The following STAP1 variants were observed in gnomAD, a reference collection of about 807,000 sequenced individuals.
STAP1 encodes signal transducing adaptor family member 1.
In STAP1, 30 loss-of-function variants were observed where a neutral mutation model predicts 37.8. The ratio of observed to expected loss-of-function variants is 0.79; its 90% CI spans 0.59 to 1.08. The LOEUF is 1.08. Ranked by LOEUF, STAP1 falls within the 50% of genes least tolerant of loss-of-function variation. The pLI is 0.00. For missense variants in STAP1, 357 were observed against 349.4 expected (o/e 1.02, Z -0.17); for synonymous variants, 130 against 116.0 (o/e 1.12, Z -0.78).
At chr4:67,560,075 GA>G (rs895716257) in intron 1 of STAP1, among the ~76,000 whole-genome samples, 25 of 151,490 alleles carry the variant, frequency 1.7e-4, no homozygotes, top group African/African-American at 4.8e-4. Flanking sequence ...GGGAAGTTGA[GA>G]AAAAAAAATT....
chr4:67,591,805 G>A (rs568646889), intron 7 of STAP1, among the ~76,000 whole-genome samples: 2 of 152,290 alleles, frequency 1.3e-5, no homozygotes, highest in African/African-American at 4.8e-5. Context: ...GATTCATAGA[G>A]CACACTTACA....
intron 8 of STAP1, among the ~76,000 whole-genome samples, chr4:67,597,589 G>C (rs1728253494): frequency 6.6e-6 from 1 of 152,200 alleles, no homozygotes; most frequent in South Asian, 2.1e-4. Flanking sequence ...AGCCGCAGGG[G>C]ATGTACCCTG....
At chr4:67,580,632 A>G (rs1033632400) in intron 4 of STAP1, among the ~76,000 whole-genome samples, 1 of 152,198 alleles carries the variant, frequency 6.6e-6, no homozygotes, top group African/African-American at 2.4e-5. Context: ...TATACCTTCT[A>G]AGAGCACAGA....
intron 8 of STAP1, 110 bp downstream of exon 8, chr4:67,593,466 A>G (rs1271576692): frequency 2.7e-6 from 2 of 738,454 alleles, no homozygotes; most frequent in African/African-American, 3.5e-5. Context: ...ACTGTAGTTC[A>G]GTCTTTAAAT....
chr4:67,568,824 AG>A (rs1727533623), intron 1 of STAP1, among the ~76,000 whole-genome samples: 1 of 152,238 alleles, frequency 6.6e-6, no homozygotes, highest in South Asian at 2.1e-4. Flanking sequence ...CTGTCCTAGA[AG>A]GTAGATATTA....
intron 1 of STAP1, among the ~76,000 whole-genome samples, chr4:67,569,253 TG>T (rs1727544637): frequency 6.6e-6 from 1 of 151,888 alleles, no homozygotes; most frequent in African/African-American, 2.4e-5. Flanking sequence ...AAAGAAAAAA[TG>T]GTATACCTGT....
chr4:67,562,068 C>CA lies in STAP1; in HGVS notation c.120+3162dup, dbSNP rs71219057. Among the ~76,000 whole-genome samples, 482 of 77,230 alleles carry CA rather than the reference C, an allele frequency of 6.2e-3. 6 individuals carry two copies. The highest frequency in any genetic ancestry group is 9.5e-3 in the Non-Finnish European group (411 of 43,098). 50.7% of individuals were successfully genotyped at this position (77,230 alleles called of 152,430 possible). A position where few individuals can be genotyped will look rare whatever the true frequency, so the allele number is the denominator to read the frequency against. On this transcript the variant is annotated intron_variant, in intron 1 of 8. Coordinates refer to ENST00000265404, the MANE Select transcript of STAP1 (RefSeq NM_012108.4). The stretch of plus-strand genomic sequence containing the variant: ...GCCTGGCAATAGAGCGAGACTCTGT[C>CA]AAAAAAAAAAAAAAAAAAAAAAAGA...
intron 1 of STAP1, among the ~76,000 whole-genome samples, 179 bp from the exon 2 acceptor site, chr4:67,570,905 C>G (rs1033048856): frequency 6.6e-6 from 1 of 151,734 alleles, no homozygotes; most frequent in Non-Finnish European, 1.5e-5. Context: ...ACCAGAGAAC[C>G]TATCTCAAAA....
At chr4:67,578,832 T>A (rs1340078397) in intron 4 of STAP1, among the ~76,000 whole-genome samples, 1 of 63,272 alleles carries the variant, frequency 1.6e-5, no homozygotes, top group African/African-American at 7.1e-5. Context: ...TTATGTGAAT[T>A]TTTTTTTTTT....
chr4:67,577,326 G>GATCCATGCA (rs1727747064), intron 4 of STAP1, 67 bp downstream of exon 4: 5 of 1,407,070 alleles, frequency 3.6e-6, no homozygotes, highest in Non-Finnish European at 4.9e-6. Context: ...AACACCCTAT[G>GATCCATGCA]ATCCATGCAG....
chr4:67,570,268 AATT>A (rs1727571892), intron 1 of STAP1, among the ~76,000 whole-genome samples: 1 of 152,194 alleles, frequency 6.6e-6, no homozygotes, highest in African/African-American at 2.4e-5. Flanking sequence ...TACTGTACAT[AATT>A]ATATGTCCTA....
intron 4 of STAP1, among the ~76,000 whole-genome samples, chr4:67,577,654 T>TTTC (rs57482555): frequency 2.8e-5 from 4 of 143,408 alleles, no homozygotes; most frequent in African/African-American, 1.0e-4. Context: ...TTTCTTTCTT[T>TTTC]TTTTTTTTTT....
intron 2 of STAP1, 43 bp downstream of exon 2, chr4:67,571,198 C>A (rs772738454): frequency 2.3e-6 from 3 of 1,331,226 alleles, no homozygotes; most frequent in Admixed American, 1.8e-5. Flanking sequence ...TCCCAATATA[C>A]CCTTGTCACA....
intron 2 of STAP1, among the ~76,000 whole-genome samples, chr4:67,572,647 C>A (rs1372333823): frequency 6.6e-6 from 1 of 152,172 alleles, no homozygotes; most frequent in Non-Finnish European, 1.5e-5. Flanking sequence ...GTCTTCAAAT[C>A]TCTAAAATCA....
intron 8 of STAP1, among the ~76,000 whole-genome samples, chr4:67,595,864 C>G (rs1455625832): frequency 6.6e-6 from 1 of 152,182 alleles, no homozygotes; most frequent in Non-Finnish European, 1.5e-5. Flanking sequence ...TCAGGAAGAA[C>G]TGACATCATA....
intron 6 of STAP1, among the ~76,000 whole-genome samples, chr4:67,584,098 G>GA (rs60099631): frequency 0.25 from 23,676 of 94,042 alleles, 4,409 homozygotes; most frequent in East Asian, 0.54. Flanking sequence ...ACTCGGTCTC[G>GA]AAAAAAAAAA....
intron 3 of STAP1, 80 bp downstream of exon 3, chr4:67,575,578 G>C: frequency 9.8e-7 from 1 of 1,021,636 alleles, no homozygotes; most frequent in Non-Finnish European, 1.5e-6. Context: ...GAAGTAAAGA[G>C]AAATTGTAAG....
At chr4:67,602,443 C>G (rs1728364137) in intron 8 of STAP1, among the ~76,000 whole-genome samples, 2 of 152,128 alleles carry the variant, frequency 1.3e-5, no homozygotes, top group Admixed American at 1.3e-4. Flanking sequence ...GGTACTTAAT[C>G]TAGTCTTCAC....
intron 6 of STAP1, among the ~76,000 whole-genome samples, chr4:67,588,026 G>C: frequency 8.2e-6 from 1 of 121,766 alleles, no homozygotes; most frequent in South Asian, 2.7e-4. Context: ...ACCCGGCTGG[G>C]GACACATTTT....
Sources: gnomAD v4.1 joint callset for allele counts (sites outside exome capture counted in the v4.1 genomes callset) on GRCh38, gnomAD v4.1.1 for gene constraint, MANE v1.5 for transcripts, NCBI Gene and HGNC (gene_info 2026-07-23, HGNC 2026-07-21) for gene names.